The following GALNT14 variants were observed in gnomAD, a reference collection of about 807,000 sequenced individuals.
The protein encoded by GALNT14 is polypeptide N-acetylgalactosaminyltransferase 14.
GALNT14 carries 60 observed loss-of-function variants against 77.5 expected under a neutral mutation model. The observed-to-expected ratio is 0.77, with a 90% confidence interval of 0.63 to 0.96. The LOEUF (loss-of-function observed/expected upper bound fraction) is 0.96. GALNT14 is among the 40% of genes least tolerant of loss of function. GALNT14 has a pLI of 0.00. For missense variants in GALNT14, 710 were observed against 731.0 expected, an observed-to-expected ratio of 0.97 and a Z score of 0.33; for synonymous variants, 280 against 281.7, an observed-to-expected ratio of 0.99 and a Z score of 0.06.
intron 1 of GALNT14, among the ~76,000 whole-genome samples, chr2:31,133,748 A>G (rs1281596491): frequency 6.6e-6 from 1 of 152,234 alleles, no homozygotes; most frequent in Non-Finnish European, 1.5e-5. Context: ...TTTTTCAGCT[A>G]CTTTTAAGTG....
intron 1 of GALNT14, among the ~76,000 whole-genome samples, chr2:31,038,353 C>T (rs1558514975): frequency 6.6e-6 from 1 of 151,880 alleles, no homozygotes; most frequent in African/African-American, 2.4e-5. Flanking sequence ...CTCAGCCTCC[C>T]AAACTGCTAG....
At chr2:31,069,642 G>C (rs1425029912) in intron 1 of GALNT14, among the ~76,000 whole-genome samples, 2 of 152,098 alleles carry the variant, frequency 1.3e-5, no homozygotes, top group Non-Finnish European at 2.9e-5. Flanking sequence ...TTCATTTATG[G>C]CAACTCAGGA....
chr2:31,020,813 T>C (rs1573177208), intron 1 of GALNT14, among the ~76,000 whole-genome samples: 1 of 152,176 alleles, frequency 6.6e-6, no homozygotes, highest in Non-Finnish European at 1.5e-5. Flanking sequence ...TCCTCTCTCT[T>C]GGTGAGCCAG....
chr2:30,969,593 G>T (rs1316961163), intron 2 of GALNT14, among the ~76,000 whole-genome samples: 1 of 152,230 alleles, frequency 6.6e-6, no homozygotes, highest in Non-Finnish European at 1.5e-5. Context: ...GGCAAAGATG[G>T]CTTCGTGGAG....
At chr2:30,965,939 G>A (rs1030948473) in intron 3 of GALNT14, among the ~76,000 whole-genome samples, 1 of 152,146 alleles carries the variant, frequency 6.6e-6, no homozygotes, top group Admixed American at 6.5e-5. Flanking sequence ...AGGGCTCTGA[G>A]GCTGCTTCTT....
rs1270459381 is a variant in GALNT14 at position 31,012,019 on chromosome 2, C to T, written c.130-19012G>A. 3.9e-5 allele frequency among the ~76,000 whole-genome samples: 6 copies of T among 152,166 alleles called. No individual in the cohort carries two copies. The South Asian group carries it at 1.0e-3, about 26-fold the overall frequency. ...GGCAGGGGCAAAGAAGGGTGGGGAA[C>T]GCCAGTCTGCTCAGGAAATTCTCTA... On this transcript the variant is annotated intron_variant, in intron 1 of 14. Transcript: ENST00000349752.
chr2:31,120,547 G>T (rs764166405), intron 1 of GALNT14, among the ~76,000 whole-genome samples: 10 of 152,004 alleles, frequency 6.6e-5, no homozygotes, highest in Non-Finnish European at 1.5e-4. Context: ...AAACAAATTA[G>T]TATCCTACCA....
rs774724717 is a variant in GALNT14 at position 30,966,268 on chromosome 2, G to A, written c.334C>T (p.Pro112Ser). The A allele has an allele frequency of 6.2e-7, 1 of 1,614,034 alleles. No individual in the cohort carries two copies. The highest frequency in any genetic ancestry group is 1.1e-5 in the South Asian group (1 of 91,076). Residue 112 changes from proline (P) to serine (S), a missense_variant, in exon 3 of 15, where the codon CCC becomes TCC. Coordinates refer to ENST00000349752, the MANE Select transcript of GALNT14 (RefSeq NM_024572.4). ...TGGAAGGTGATGATGATGCTAGTGG[G>A]TGGAAGGTCCGTGCAATACACCAGC... ...TLLVYCTDLP[P>S]TSIIITFHNE...
chr2:30,958,524 AC>A, intron 3 of GALNT14, 60 bp from the exon 4 acceptor site: 2 of 1,359,682 alleles, frequency 1.5e-6, no homozygotes, highest in Admixed American at 1.7e-5. Flanking sequence ...ATATGTACTA[AC>A]CCGAGTTTTA....
At chr2:31,085,217 G>A (rs1353125183) in intron 1 of GALNT14, among the ~76,000 whole-genome samples, 2 of 152,084 alleles carry the variant, frequency 1.3e-5, no homozygotes, top group African/African-American at 4.8e-5. Flanking sequence ...AATCTGACTC[G>A]AAATCTCCAT....
chr2:31,053,912 T>C (rs1198033777), intron 1 of GALNT14, among the ~76,000 whole-genome samples: 26 of 152,218 alleles, frequency 1.7e-4, no homozygotes, highest in Non-Finnish European at 2.9e-5. Flanking sequence ...TCTTACCAGA[T>C]CTTACACACC....
chr2:31,030,093 A>T (rs1195799280), intron 1 of GALNT14, among the ~76,000 whole-genome samples: 1 of 152,222 alleles, frequency 6.6e-6, no homozygotes, highest in Non-Finnish European at 1.5e-5. Flanking sequence ...TGGAGAACAG[A>T]ACTTGTGCCT....
Position 31,028,397 on chromosome 2 carries a change from C to T in GALNT14, c.130-35390G>A, listed in dbSNP as rs375414023. On this transcript the variant is annotated intron_variant, in intron 1 of 14. Coordinates refer to ENST00000349752, the MANE Select transcript of GALNT14 (RefSeq NM_024572.4). ...ATCAGAACTCTCAGTCCATCCAGGG[C>T]CAGCTCTGTGCTGAACTAGAAAGAG... Among the ~76,000 whole-genome samples, 28 of 152,296 alleles carry T rather than the reference C, an allele frequency of 1.8e-4. No homozygotes were observed. In the East Asian group the frequency reaches 5.0e-3, roughly 27 times the overall value.
chr2:31,070,225 C>A (rs1675267475), intron 1 of GALNT14, among the ~76,000 whole-genome samples: 3 of 152,194 alleles, frequency 2.0e-5, no homozygotes, highest in Non-Finnish European at 4.4e-5. Context: ...TCACAAAGTG[C>A]CTTCCTAAGT....
chr2:30,970,014 G>A (rs1428184396), intron 2 of GALNT14, among the ~76,000 whole-genome samples: 1 of 152,140 alleles, frequency 6.6e-6, no homozygotes, highest in East Asian at 1.9e-4. Context: ...TAACAATTCT[G>A]GAAGATTTTC....
chr2:31,117,339 A>T (rs941634240), intron 1 of GALNT14, among the ~76,000 whole-genome samples: 9 of 152,202 alleles, frequency 5.9e-5, no homozygotes, highest in African/African-American at 9.6e-5. Flanking sequence ...GCCAGTCAAA[A>T]TGTATGGGAC....
intron 1 of GALNT14, among the ~76,000 whole-genome samples, chr2:31,047,908 C>T (rs1323095274): frequency 5.9e-5 from 9 of 152,198 alleles, no homozygotes; most frequent in African/African-American, 9.6e-5. Flanking sequence ...GGGTGGGCAC[C>T]GAAGCTGGCC....
At chr2:30,909,462 C>T (rs1360747241), downstream of GALNT14, among the ~76,000 whole-genome samples, 41 of 151,658 alleles carry the variant, frequency 2.7e-4, no homozygotes, top group African/African-American at 9.2e-4. Context: ...TGAAAAAATG[C>T]TCATCATCAC....
the GALNT14 span, among the ~76,000 whole-genome samples, chr2:30,899,855 G>A: frequency 6.6e-6 from 1 of 152,224 alleles, no homozygotes; most frequent in Non-Finnish European, 1.5e-5. Context: ...GTTAGCTCTG[G>A]ATGATGCGGG....
Sources: allele counts gnomAD v4.1 joint callset (sites outside exome capture counted in the v4.1 genomes callset), GRCh38; gene constraint gnomAD v4.1.1; transcripts MANE v1.5; gene names NCBI Gene and HGNC (gene_info 2026-07-23, HGNC 2026-07-21).